Variants in CFAP20DC observed in about 807,000 individuals in gnomAD.
CFAP20DC encodes the protein CFAP20 domain containing.
A neutral mutation model predicts 101.7 loss-of-function variants in CFAP20DC; 84 were observed. The ratio of observed to expected loss-of-function variants is 0.83; its 90% CI spans 0.69 to 0.99. The LOEUF (loss-of-function observed/expected upper bound fraction) is 0.99. Among genes scored for constraint, CFAP20DC ranks in the 50% least tolerant of loss-of-function variants. CFAP20DC has a pLI of 0.00. For missense variants in CFAP20DC, 1,007 were observed against 970.3 expected (o/e 1.04, Z -0.50); for synonymous variants, 359 against 351.2 (o/e 1.02, Z -0.25).
chr3:59,008,901 A>G (rs2093510734), intron 4 of CFAP20DC, among the ~76,000 whole-genome samples: 1 of 152,156 alleles, frequency 6.6e-6, no homozygotes, highest in Non-Finnish European at 1.5e-5. Flanking sequence ...ACAGTAAACA[A>G]ATAAAGTGTA....
At chr3:58,850,665 A>C in intron 12 of CFAP20DC, among the ~76,000 whole-genome samples, 1 of 152,080 alleles carries the variant, frequency 6.6e-6, no homozygotes. Flanking sequence ...AATGGATGTG[A>C]AATGATAAAC....
chr3:59,036,196 T>C (rs1430575048), intron 4 of CFAP20DC, among the ~76,000 whole-genome samples: 2 of 152,212 alleles, frequency 1.3e-5, no homozygotes, highest in Non-Finnish European at 2.9e-5. Context: ...AATATCATAC[T>C]GAATGGTCAA....
At chr3:59,013,863 A>G (rs2093637428) in intron 4 of CFAP20DC, among the ~76,000 whole-genome samples, 1 of 152,190 alleles carries the variant, frequency 6.6e-6, no homozygotes, top group African/African-American at 2.4e-5. Flanking sequence ...AAACAAAAAA[A>G]CTACATAAAT....
chr3:59,012,481 A>C (rs1435072012), intron 4 of CFAP20DC, among the ~76,000 whole-genome samples: 2 of 152,166 alleles, frequency 1.3e-5, no homozygotes, highest in African/African-American at 4.8e-5. Flanking sequence ...CCAAGAGTCC[A>C]GTGGTTTTAG....
In CFAP20DC at chr3:58,870,184, T is replaced by C. The variant is rs1461373365; in HGVS notation, c.841A>G (p.Ile281Val). ...AACCTTGCTCCTACCTCGCTGGATA[T>C]CTTCATGTTATTCCTTCTGCCAGAG... Reference protein sequence around the residue: ...PLSGRRNNMKISSETVRSVGS... With the variant: ...PLSGRRNNMKVSSETVRSVGS... The change falls in exon 8 of 17, where the codon ATA (isoleucine) becomes GTA (valine). Residue 281 changes from isoleucine (I) to valine (V), a missense_variant. Ile to Val is a conservative substitution (Grantham distance 29, BLOSUM62 3). Coordinates refer to ENST00000482387, the MANE Select transcript of CFAP20DC (RefSeq NM_001394063.1). 3 of 1,612,784 alleles carry C rather than the reference T, an allele frequency of 1.9e-6. No individual in the cohort carries two copies. The highest frequency in any genetic ancestry group is 2.5e-6 in the Non-Finnish European group (3 of 1,179,450).
chr3:59,001,228 A>G lies in CFAP20DC; in HGVS notation c.278+38329T>C, dbSNP rs2093300683. Reference sequence around the variant, plus strand: ...ATTATAATTTATGTACTTAATTTCTATACTTTATCCTTGAAGATTCTTTGA... The same window carrying G: ...ATTATAATTTATGTACTTAATTTCTGTACTTTATCCTTGAAGATTCTTTGA... On this transcript the variant is annotated intron_variant, in intron 4 of 16. Transcript: ENST00000482387. The surrounding 1 kb of genome is among the most constrained non-coding windows in gnomAD (Gnocchi z 4.5). Among the ~76,000 whole-genome samples the G allele has an allele frequency of 4.6e-5, 7 of 152,196 alleles. No homozygotes were observed. The highest frequency in any genetic ancestry group is 4.6e-4 in the Admixed American group (7 of 15,276).
chr3:58,725,466 C>G (rs2067535875), intron 3 of CFAP20DC, among the ~76,000 whole-genome samples: 1 of 152,194 alleles, frequency 6.6e-6, no homozygotes, highest in Non-Finnish European at 1.5e-5. Flanking sequence ...AGTGACTAGT[C>G]ACTGGGTCAG....
intron 4 of CFAP20DC, among the ~76,000 whole-genome samples, chr3:58,945,287 C>T (rs1378513386): frequency 6.6e-6 from 1 of 152,104 alleles, no homozygotes; most frequent in African/African-American, 2.4e-5. Context: ...TCCCTATAAA[C>T]ACATGCATAG....
intron 6 of CFAP20DC, among the ~76,000 whole-genome samples, chr3:58,896,911 A>G (rs1430588805): frequency 6.6e-6 from 1 of 152,176 alleles, no homozygotes. Context: ...CACTTGATCC[A>G]GAGCTGGGTT....
Position 58,859,153 on chromosome 3 carries a change from C to T in CFAP20DC, c.1593+4405G>A, listed in dbSNP as rs553029294. Among the ~76,000 whole-genome samples the T allele has an allele frequency of 1.3e-5, 2 of 152,078 alleles. No homozygotes were observed. Among genetic ancestry groups the T allele is most frequent in the South Asian group, 4.2e-4 (2 of 4,814 alleles). ...AACAAATAAAATAAAAGGAAGATAC[C>T]ACAGTTTTAAACAAGTAACTAACCT... On this transcript the variant is annotated intron_variant, in intron 12 of 16. Transcript: ENST00000482387. The surrounding 1 kb of genome is among the most constrained non-coding windows in gnomAD (Gnocchi z 4.1).
chr3:58,866,285 T>C (rs908661480), intron 11 of CFAP20DC, among the ~76,000 whole-genome samples: 5 of 152,206 alleles, frequency 3.3e-5, no homozygotes, highest in Non-Finnish European at 7.4e-5. Flanking sequence ...ACCCAACAAC[T>C]GGTCATCTTT....
intron 16 of CFAP20DC, among the ~76,000 whole-genome samples, chr3:58,744,537 T>C (rs1209183776): frequency 6.6e-6 from 1 of 152,146 alleles, no homozygotes; most frequent in African/African-American, 2.4e-5. Flanking sequence ...AGTTCAAAAA[T>C]ATTGTTAAAG....
intron 12 of CFAP20DC, among the ~76,000 whole-genome samples, chr3:58,854,541 C>G (rs1348363398): frequency 6.6e-6 from 1 of 152,088 alleles, no homozygotes; most frequent in Non-Finnish European, 1.5e-5. Context: ...AATCCTGAGC[C>G]AAAAGAACAA....
intron 15 of CFAP20DC, among the ~76,000 whole-genome samples, chr3:58,785,692 G>C (rs565365794): frequency 6.6e-6 from 1 of 152,120 alleles, no homozygotes; most frequent in Admixed American, 6.6e-5. Flanking sequence ...CTCCCATAAC[G>C]GGTTTGCTTC....
At chr3:58,737,137 T>C, downstream of CFAP20DC, 1 of 454,726 alleles carries the variant, frequency 2.2e-6, no homozygotes, top group Non-Finnish European at 4.4e-6. The surrounding 1 kb of genome is among the most constrained non-coding windows in gnomAD (Gnocchi z 4.1). Context: ...ACTTAAGAAA[T>C]GTTCAGGCTT....
At position 58,724,093 on chromosome 3, in the gene CFAP20DC, T is replaced by C. The variant is rs553696439; in HGVS notation, c.198-6465A>G. Among the ~76,000 whole-genome samples, 1 of 152,302 alleles carries C rather than the reference T, an allele frequency of 6.6e-6. No homozygotes were observed. Among genetic ancestry groups the C allele is most frequent in the Non-Finnish European group, 1.5e-5 (1 of 68,030 alleles). On this transcript the variant is annotated intron_variant, in intron 3 of 3. Transcript: ENST00000486145. This position sits in a 1 kb window ranked among gnomAD's most constrained non-coding sequence, Gnocchi z 5.6. ...TTTAATCCCTTTGAAAGGAGGGTGC[T>C]CCATGCTGTGGAGGGGCCTGGGGAA...
At chr3:58,951,612 A>C (rs1445723870) in intron 4 of CFAP20DC, among the ~76,000 whole-genome samples, 1 of 152,234 alleles carries the variant, frequency 6.6e-6, no homozygotes, top group East Asian at 1.9e-4. Context: ...TTGTAGGGAC[A>C]TGGATGAAGC....
chr3:59,011,643 A>C (rs2093587100), intron 4 of CFAP20DC, among the ~76,000 whole-genome samples: 1 of 152,166 alleles, frequency 6.6e-6, no homozygotes, highest in Admixed American at 6.6e-5. Flanking sequence ...GAAACAAAAA[A>C]AATACGAAAG....
In CFAP20DC at chr3:58,925,613, G is replaced by A. The variant is rs150723584; in HGVS notation, c.394-11749C>T. On this transcript the variant is annotated intron_variant, in intron 5 of 16. Coordinates refer to ENST00000482387, the MANE Select transcript of CFAP20DC (RefSeq NM_001394063.1). ...ATTCATGTCAATAGAAAATAGTAAA[G>A]TAATAACAACATCAACTAACAGACT... is the stretch of plus-strand genomic sequence containing the variant. Among the ~76,000 whole-genome samples the A allele has an allele frequency of 2.6e-3, 401 of 152,312 alleles. 1 individual carries two copies. The highest frequency in any genetic ancestry group is 3.1e-3 in the Non-Finnish European group (210 of 68,022).
Sources: allele counts gnomAD v4.1 joint callset (sites outside exome capture counted in the v4.1 genomes callset), GRCh38; gene constraint gnomAD v4.1.1; non-coding constraint Gnocchi (gnomAD v3.1); transcripts MANE v1.5; gene names NCBI Gene and HGNC (gene_info 2026-07-23, HGNC 2026-07-21).